SRGAP2: variants seen among roughly 807,000 people sequenced by gnomAD.
SRGAP2 encodes the protein SLIT-ROBO Rho GTPase activating protein 2.
In SRGAP2, 15 loss-of-function variants were observed where a neutral mutation model predicts 57.2. The ratio of observed to expected loss-of-function variants is 0.26; its 90% CI spans 0.18 to 0.40. The LOEUF is 0.40. Among genes scored for constraint, SRGAP2 ranks in the 10% least tolerant of loss-of-function variants. The probability of loss-of-function intolerance (pLI) is 1.00; values close to 1 mark genes in which losing one functional copy is unlikely to be tolerated. For missense variants in SRGAP2, 520 were observed against 669.6 expected (o/e 0.78, Z 2.47); for synonymous variants, 249 against 248.0 (o/e 1.00, Z -0.04).
intron 14 of SRGAP2, among the ~76,000 whole-genome samples, chr1:206,431,561 C>T (rs1477571658): frequency 2.0e-5 from 3 of 152,186 alleles, no homozygotes; most frequent in Non-Finnish European, 2.9e-5. Flanking sequence ...AAAGTCTGAG[C>T]CACTGTTCAT....
chr1:206,232,348 A>G (rs1667695298), intron 2 of SRGAP2, among the ~76,000 whole-genome samples: 1 of 150,628 alleles, frequency 6.6e-6, no homozygotes, highest in Non-Finnish European at 1.5e-5. Flanking sequence ...CAGAAAATAC[A>G]TAGCCAGGGA....
chr1:206,293,017 C>T (rs1480513259), intron 2 of SRGAP2, among the ~76,000 whole-genome samples: 2 of 152,102 alleles, frequency 1.3e-5, no homozygotes, highest in African/African-American at 4.8e-5. Context: ...AAGCTGGGTC[C>T]TGCACAAAAT....
At chr1:206,374,269 G>A (rs1655013051) in intron 4 of SRGAP2, among the ~76,000 whole-genome samples, 1 of 151,228 alleles carries the variant, frequency 6.6e-6, no homozygotes, top group African/African-American at 2.5e-5. Flanking sequence ...GCCCGCTTCG[G>A]CCTCCCAAAG....
chr1:206,366,336 C>G (rs1553341622), intron 4 of SRGAP2, among the ~76,000 whole-genome samples: 1 of 152,200 alleles, frequency 6.6e-6, no homozygotes, highest in East Asian at 1.9e-4. Context: ...AGAAGGACAT[C>G]TTGATTAAAT....
At chr1:206,276,412 T>C (rs1377556539) in intron 2 of SRGAP2, among the ~76,000 whole-genome samples, 1 of 149,156 alleles carries the variant, frequency 6.7e-6, no homozygotes, top group African/African-American at 2.5e-5. Flanking sequence ...CTCTGGCTTC[T>C]TTCCACTTCC....
intron 3 of SRGAP2, among the ~76,000 whole-genome samples, chr1:206,326,440 T>C (rs1412356548): frequency 6.6e-6 from 1 of 152,234 alleles, no homozygotes; most frequent in Non-Finnish European, 1.5e-5. Context: ...ACCCTTGGTA[T>C]TCTTGTTATG....
chr1:206,446,386 A>C (rs181893879), intron 18 of SRGAP2, 87 bp downstream of exon 18: 10 of 742,940 alleles, frequency 1.3e-5, no homozygotes, highest in South Asian at 1.2e-4. Context: ...AACCAAAGGG[A>C]AACACCCAGA....
chr1:206,419,124 G>A (rs1336596674), intron 11 of SRGAP2, among the ~76,000 whole-genome samples: 7 of 152,118 alleles, frequency 4.6e-5, no homozygotes, highest in African/African-American at 1.7e-4. Flanking sequence ...CTAAGGTTTA[G>A]GGGGACTGAC....
intron 4 of SRGAP2, among the ~76,000 whole-genome samples, chr1:206,346,682 G>A (rs1553336925): frequency 6.6e-6 from 1 of 152,064 alleles, no homozygotes; most frequent in Non-Finnish European, 1.5e-5. Flanking sequence ...TTTGTGGTAT[G>A]GCTGTACACA....
intron 14 of SRGAP2, 59 bp from the exon 15 acceptor site, chr1:206,436,906 G>T (rs1661809346): frequency 6.4e-6 from 5 of 779,136 alleles, no homozygotes; most frequent in Non-Finnish European, 1.2e-5. Context: ...ACTAAGCTTG[G>T]CACTATGCTT....
At chr1:206,416,089 T>G (rs1445890706) in intron 11 of SRGAP2, 116 bp downstream of exon 11, 1 of 618,772 alleles carries the variant, frequency 1.6e-6, no homozygotes, top group Non-Finnish European at 2.9e-6. Context: ...ATGAATGCCT[T>G]TCTTTTCTTG....
intron 17 of SRGAP2, 150 bp downstream of exon 17, chr1:206,440,231 A>G: frequency 1.7e-6 from 1 of 597,438 alleles, no homozygotes; most frequent in Admixed American, 3.0e-5. Context: ...TATTTAATAC[A>G]TCGTTAAATA....
intron 2 of SRGAP2, among the ~76,000 whole-genome samples, chr1:206,298,817 G>A (rs1438683226): frequency 6.6e-6 from 1 of 151,912 alleles, no homozygotes; most frequent in Non-Finnish European, 1.5e-5. Flanking sequence ...ATTTCTTTCC[G>A]CTATTGATGA....
intron 2 of SRGAP2, among the ~76,000 whole-genome samples, chr1:206,249,564 T>C (rs61815481): frequency 7.0e-6 from 1 of 143,396 alleles, no homozygotes; most frequent in Non-Finnish European, 1.5e-5. Context: ...GGGCACAGTG[T>C]GGGGAACATC....
intron 13 of SRGAP2, among the ~76,000 whole-genome samples, chr1:206,428,323 A>G (rs1660985181): frequency 6.6e-6 from 1 of 151,192 alleles, no homozygotes; most frequent in African/African-American, 2.4e-5. Flanking sequence ...AAGCTGAGGC[A>G]GGAGAAAGGC....
chr1:206,457,492 G>C (rs1553378832), intron 21 of SRGAP2, among the ~76,000 whole-genome samples: 4 of 152,194 alleles, frequency 2.6e-5, no homozygotes, highest in Non-Finnish European at 5.9e-5. Context: ...AGTGGTGCCA[G>C]GGAAATCCTT....
chr1:206,364,319 T>TTTTTA (rs1677122839), intron 4 of SRGAP2, among the ~76,000 whole-genome samples: 1 of 144,286 alleles, frequency 6.9e-6, no homozygotes, highest in African/African-American at 2.6e-5. Context: ...TTTTTTTTTT[T>TTTTTA]GAGATGGAGT....
At chr1:206,458,113 C>G (rs1198759620) in intron 21 of SRGAP2, among the ~76,000 whole-genome samples, 1 of 152,210 alleles carries the variant, frequency 6.6e-6, no homozygotes, top group Non-Finnish European at 1.5e-5. Flanking sequence ...CTATTCTGCT[C>G]CATGCCTACA....
At chr1:206,305,617 G>A (rs1485175205) in intron 3 of SRGAP2, among the ~76,000 whole-genome samples, 2 of 151,512 alleles carry the variant, frequency 1.3e-5, no homozygotes, top group African/African-American at 4.9e-5. Flanking sequence ...ATCTTCTGGT[G>A]TCCCACGGTG....
Sources: allele counts gnomAD v4.1 joint callset (sites outside exome capture counted in the v4.1 genomes callset), GRCh38; gene constraint gnomAD v4.1.1; transcripts MANE v1.5; gene names NCBI Gene and HGNC (gene_info 2026-07-23, HGNC 2026-07-21).